Variants in CTBP2 observed in about 807,000 individuals in gnomAD.
CTBP2 encodes C-terminal binding protein 2.
Under a neutral mutation model 80.3 loss-of-function variants are expected in CTBP2, and 30 were observed. That is an observed-to-expected ratio of 0.37 (90% CI 0.28 to 0.51). The LOEUF is 0.51. CTBP2 is among the 20% of genes least tolerant of loss of function. The pLI is 0.93. For synonymous variants in CTBP2, 594 were observed against 587.4 expected (o/e 1.01, Z -0.16); for missense variants, 1,212 against 1,375.3 (o/e 0.88, Z 1.88).
upstream of CTBP2, among the ~76,000 whole-genome samples, chr10:125,030,262 G>C (rs1376137062): frequency 6.6e-6 from 1 of 151,998 alleles, no homozygotes; most frequent in African/African-American, 2.4e-5. Flanking sequence ...TACATCTCAC[G>C]GGCTTAATTT....
chr10:125,155,382 G>C (rs1860731709), intron 1 of CTBP2, among the ~76,000 whole-genome samples: 1 of 151,338 alleles, frequency 6.6e-6, no homozygotes, highest in South Asian at 2.1e-4. Context: ...TGTACATTCT[G>C]TATTCATTTG....
At position 125,027,598 on chromosome 10, in the gene CTBP2, G is replaced by A. The variant is rs750514703; in HGVS notation, c.162C>T (p.Asn54=). ...GCAGGGCAGCGTCCTGTGGTCGGTGGTTTGGCTCAAACCAAGTCCCCTCTG... is the reference window on the plus strand; with the variant it reads ...GCAGGGCAGCGTCCTGTGGTCGGTGATTTGGCTCAAACCAAGTCCCCTCTG... Residue 54 remains asparagine, a synonymous_variant, in exon 1 of 9, where the codon AAC becomes AAT. Coordinates refer to ENST00000309035, the MANE Select transcript of CTBP2 (RefSeq NM_022802.3). 6.8e-6 allele frequency: 11 copies of A among 1,613,968 alleles called. No homozygotes were observed. In the African/African-American group the frequency reaches 1.1e-4, roughly 16 times the overall value.
At chr10:125,003,194 A>G in intron 2 of CTBP2, 90 bp from the exon 5 acceptor site, 1 of 1,594,030 alleles carries the variant, frequency 6.3e-7, no homozygotes, top group Non-Finnish European at 8.6e-7. Flanking sequence ...ATCACCCTTG[A>G]ACCTGAGGCA....
intron 1 of CTBP2, among the ~76,000 whole-genome samples, chr10:125,011,667 C>T (rs1050580101): frequency 6.6e-6 from 1 of 152,226 alleles, no homozygotes; most frequent in Non-Finnish European, 1.5e-5. Flanking sequence ...GTCACTTCAA[C>T]GGGTTCCTCA....
intron 3 of CTBP2, among the ~76,000 whole-genome samples, chr10:125,034,713 T>C (rs117123467): frequency 1.6e-3 from 239 of 152,158 alleles, no homozygotes; most frequent in Middle Eastern, 0.01. Flanking sequence ...ACAAAACAAG[T>C]CCTGATTTTA....
chr10:125,092,724 C>T, intron 2 of CTBP2, among the ~76,000 whole-genome samples: 1 of 152,158 alleles, frequency 6.6e-6, no homozygotes, highest in East Asian at 1.9e-4. Context: ...CAGCAGGTGT[C>T]CTGTCTCTGG....
intron 1 of CTBP2, among the ~76,000 whole-genome samples, chr10:125,121,259 A>AC (rs1477810296): frequency 6.6e-6 from 1 of 152,242 alleles, no homozygotes; most frequent in African/African-American, 2.4e-5. Flanking sequence ...ATACCAATGC[A>AC]CAGCGCTCAG....
chr10:125,053,285 A>C (rs2938009), intron 2 of CTBP2, among the ~76,000 whole-genome samples: 74,719 of 151,802 alleles, frequency 0.49, 20,816 homozygotes, highest in African/African-American at 0.76. Flanking sequence ...TTGTCAACAC[A>C]AAGGACATGG....
Position 125,153,437 on chromosome 10 carries a change from C to G in CTBP2, c.-206+6882G>C, listed in dbSNP as rs916981312. Among the ~76,000 whole-genome samples, 4 of 152,312 alleles carry G rather than the reference C, an allele frequency of 2.6e-5. No individual in the cohort carries two copies. In the South Asian group the frequency reaches 8.3e-4, roughly 32 times the overall value. ...ACTGTGTTTGCACTTCTAGACTGCA[C>G]GAAAGACCATCCATCAGCAAAATAA... On this transcript the variant is annotated intron_variant, in intron 1 of 10. Coordinates refer to the CTBP2 transcript ENST00000337195.
At chr10:125,139,093 C>T (rs957839451) in intron 1 of CTBP2, among the ~76,000 whole-genome samples, 1 of 152,156 alleles carries the variant, frequency 6.6e-6, no homozygotes, top group African/African-American at 2.4e-5. Flanking sequence ...TACTATTAGC[C>T]AGGCGAGGTG....
intron 1 of CTBP2, among the ~76,000 whole-genome samples, chr10:125,145,600 A>C (rs1858622486): frequency 6.6e-6 from 1 of 152,204 alleles, no homozygotes; most frequent in Non-Finnish European, 1.5e-5. Context: ...AGGAAGAAGA[A>C]GGCACAGTTG....
intron 4 of CTBP2, 147 bp from the exon 7 acceptor site, chr10:124,994,830 C>T (rs1407115480): frequency 1.2e-6 from 1 of 838,802 alleles, no homozygotes; most frequent in Non-Finnish European, 1.9e-6. Flanking sequence ...CTTAGTGAGG[C>T]CTGAGGCGAG....
At chr10:125,118,714 C>T (rs967164654) in intron 1 of CTBP2, among the ~76,000 whole-genome samples, 4 of 12,810 alleles carry the variant, frequency 3.1e-4, no homozygotes, top group Non-Finnish European at 6.0e-4. Context: ...GCAGTGGAGG[C>T]GCTGGGGGGT....
chr10:125,054,284 T>A (rs2135246915), intron 2 of CTBP2, among the ~76,000 whole-genome samples: 1 of 152,340 alleles, frequency 6.6e-6, no homozygotes, highest in East Asian at 1.9e-4. Context: ...TGAGGGGATG[T>A]CACTTCTGAG....
intron 2 of CTBP2, among the ~76,000 whole-genome samples, chr10:125,089,089 CAAGTAT>C (rs1292025129): frequency 2.0e-5 from 3 of 152,204 alleles, no homozygotes; most frequent in African/African-American, 7.2e-5. Flanking sequence ...ACATCTCTCA[CAAGTAT>C]ATTTGTCACT....
chr10:124,998,322 C>CCTACCGCCCACGT, intron 3 of CTBP2, 152 bp from the exon 6 acceptor site: 1 of 788,668 alleles, frequency 1.3e-6, no homozygotes, highest in Non-Finnish European at 2.0e-6. Flanking sequence ...GGCACGTGGG[C>CCTACCGCCCACGT]GGTAGGCCCT....
chr10:125,036,783 G>A (rs1252234667), intron 3 of CTBP2, among the ~76,000 whole-genome samples: 1 of 151,934 alleles, frequency 6.6e-6, no homozygotes, highest in Non-Finnish European at 1.5e-5. Context: ...GCTGGTATGA[G>A]AGAAGGCCAA....
chr10:125,135,586 C>T (rs1856853822), intron 1 of CTBP2, among the ~76,000 whole-genome samples: 1 of 152,200 alleles, frequency 6.6e-6, no homozygotes, highest in Non-Finnish European at 1.5e-5. Flanking sequence ...AGGAAGATCC[C>T]AGCCTCCCTT....
chr10:125,128,765 C>T (rs1855676213), intron 1 of CTBP2, among the ~76,000 whole-genome samples: 2 of 152,188 alleles, frequency 1.3e-5, no homozygotes, highest in African/African-American at 4.8e-5. Flanking sequence ...AAACATACAC[C>T]TACTCCATGA....
Sources: allele counts gnomAD v4.1 joint callset (sites outside exome capture counted in the v4.1 genomes callset), GRCh38; gene constraint gnomAD v4.1.1; transcripts MANE v1.5; gene names NCBI Gene and HGNC (gene_info 2026-07-23, HGNC 2026-07-21).